NT5E: variants seen among roughly 807,000 people sequenced by gnomAD.
The protein encoded by NT5E is 5'-nucleotidase.
NT5E carries 53 observed loss-of-function variants against 55.1 expected under a neutral mutation model. That is an observed-to-expected ratio of 0.96 (90% CI 0.77 to 1.21). NT5E has a LOEUF of 1.21. NT5E is among the 50% of genes most tolerant of loss of function. NT5E has a pLI of 0.00. For missense variants in NT5E, 683 were observed against 724.3 expected (o/e 0.94, Z 0.65); for synonymous variants, 270 against 278.4 (o/e 0.97, Z 0.30).
intron 3 of NT5E, among the ~76,000 whole-genome samples, chr6:85,475,148 T>C (rs1158717726): frequency 2.0e-5 from 3 of 152,228 alleles, no homozygotes; most frequent in Admixed American, 6.5e-5. Context: ...GAATTTTAAA[T>C]CTTACTGAGA....
At chr6:85,488,244 C>T (rs546850864) in intron 5 of NT5E, among the ~76,000 whole-genome samples, 3 of 152,196 alleles carry the variant, frequency 2.0e-5, no homozygotes, top group African/African-American at 4.8e-5. Flanking sequence ...TCTCCTATGT[C>T]GGACTACTAC....
chr6:85,482,175 T>A (rs145445215), intron 3 of NT5E, among the ~76,000 whole-genome samples: 3 of 152,314 alleles, frequency 2.0e-5, no homozygotes, highest in African/African-American at 7.2e-5. Flanking sequence ...TGGACTGCCT[T>A]ACAACATTCT....
chr6:85,467,229 T>C lies in NT5E; in HGVS notation c.509T>C (p.Val170Ala), dbSNP rs1481526140. 1.2e-6 allele frequency: 2 copies of C among 1,614,180 alleles called. No individual in the cohort carries two copies. The highest frequency in any genetic ancestry group is 8.5e-7 in the Non-Finnish European group (1 of 1,180,032). ...AAAGTTCTTCCTGTTGGTGATGAAGTTGTGGGAATCGTTGGATACACTTCC... is the reference window on the plus strand; with the variant it reads ...AAAGTTCTTCCTGTTGGTGATGAAGCTGTGGGAATCGTTGGATACACTTCC... ...PYKVLPVGDE[V>A]VGIVGYTSKE... Residue 170 changes from valine (V) to alanine (A), a missense_variant, in exon 2 of 9, where the codon GTT (valine) becomes GCT (alanine). Val to Ala is a moderately conservative substitution (Grantham distance 64, BLOSUM62 0). Transcript: ENST00000257770.
chr6:85,476,572 CA>C (rs1482561433), intron 3 of NT5E, among the ~76,000 whole-genome samples: 1 of 152,194 alleles, frequency 6.6e-6, no homozygotes, highest in African/African-American at 2.4e-5. Context: ...TTTAACAGCT[CA>C]GTGTGACAGC....
intron 3 of NT5E, among the ~76,000 whole-genome samples, chr6:85,478,575 G>A (rs1769480777): frequency 6.6e-6 from 1 of 152,068 alleles, no homozygotes; most frequent in South Asian, 2.1e-4. Context: ...GTCTGACTTT[G>A]GACAAGTTAC....
chr6:85,469,411 C>CA (rs966880702), intron 2 of NT5E, among the ~76,000 whole-genome samples: 83 of 138,768 alleles, frequency 6.0e-4, no homozygotes, highest in African/African-American at 9.0e-4. Flanking sequence ...GGATACTGAC[C>CA]AAAAAAAAAA....
At chr6:85,462,869 A>G (rs1051628643) in intron 1 of NT5E, among the ~76,000 whole-genome samples, 12 of 152,376 alleles carry the variant, frequency 7.9e-5, no homozygotes, top group African/African-American at 2.6e-4. Context: ...CAGCTTCACA[A>G]TTCACAGCCT....
At chr6:85,482,281 G>A (rs747944005) in intron 3 of NT5E, among the ~76,000 whole-genome samples, 9 of 152,030 alleles carry the variant, frequency 5.9e-5, no homozygotes, top group South Asian at 2.1e-4. Context: ...GACTGCTTGA[G>A]CCCAGGAATT....
intron 1 of NT5E, among the ~76,000 whole-genome samples, chr6:85,457,875 A>G (rs1234329741): frequency 6.6e-6 from 1 of 152,208 alleles, no homozygotes; most frequent in Non-Finnish European, 1.5e-5. Flanking sequence ...TTAACTACAC[A>G]GAGGGACTGG....
At chr6:85,464,094 A>C (rs529681925) in intron 1 of NT5E, among the ~76,000 whole-genome samples, 25 of 30,170 alleles carry the variant, frequency 8.3e-4, no homozygotes, top group Non-Finnish European at 3.1e-4. Flanking sequence ...TTTTTTTTTT[A>C]GTGCTTTGTG....
intron 1 of NT5E, among the ~76,000 whole-genome samples, chr6:85,452,409 G>A (rs1428585570): frequency 2.0e-5 from 3 of 152,178 alleles, no homozygotes; most frequent in Non-Finnish European, 4.4e-5. Flanking sequence ...TTTATGACAG[G>A]ACATCTAGGT....
At position 85,477,981 on chromosome 6, in the gene NT5E, T is replaced by G. The variant is rs190083172; in HGVS notation, c.751+6556T>G. On this transcript the variant is annotated intron_variant, in intron 3 of 8. Transcript: ENST00000257770. The stretch of plus-strand genomic sequence containing the variant: ...GTTTGAGGCTGCAGTGAGCTATGAT[T>G]ACGCCACTGCACTCCAGCCAGTGTG... Among the ~76,000 whole-genome samples the G allele has an allele frequency of 1.5e-3, 229 of 149,104 alleles. 3 individuals carry two copies. Among genetic ancestry groups the G allele is most frequent in the Middle Eastern group, 6.8e-3 (2 of 292 alleles).
chr6:85,485,283 T>A lies in NT5E; in HGVS notation c.800T>A (p.Val267Asp). The change falls in exon 4 of 9, where the codon GTC (valine) becomes GAC (aspartate). Residue 267 changes from valine (V) to aspartate (D), a missense_variant. Transcript: ENST00000257770. ...CCTGCTGGGAAGTACCCATTCATAG[T>A]CACTTCTGATGATGGGCGGAAGGTT... The part of the protein sequence containing the change: ...EVPAGKYPFI[V>D]TSDDGRKVPV... The A allele has an allele frequency of 2.5e-6, 4 of 1,614,214 alleles. No individual in the cohort carries two copies. Among genetic ancestry groups the A allele is most frequent in the Non-Finnish European group, 3.4e-6 (4 of 1,180,034 alleles).
chr6:85,479,137 A>C (rs1179463305), intron 3 of NT5E, among the ~76,000 whole-genome samples: 1 of 152,236 alleles, frequency 6.6e-6, no homozygotes. Context: ...AAAATTAACT[A>C]CTAATCCTAA....
At chr6:85,491,014 G>A (rs779977066) in intron 7 of NT5E, 3 of 523,986 alleles carry the variant, frequency 5.7e-6, no homozygotes, top group South Asian at 2.9e-5. Flanking sequence ...TCTACTCATC[G>A]TTGCCTGGAA....
chr6:85,473,283 A>AT (rs1769355528), intron 3 of NT5E, among the ~76,000 whole-genome samples: 1 of 152,192 alleles, frequency 6.6e-6, no homozygotes, highest in Non-Finnish European at 1.5e-5. Flanking sequence ...AATGAAGGTG[A>AT]TAACAACAGT....
chr6:85,465,481 G>A lies in NT5E; in HGVS notation c.340-1579G>A, dbSNP rs184674178. On this transcript the variant is annotated intron_variant, in intron 1 of 8. Coordinates refer to ENST00000257770, the MANE Select transcript of NT5E (RefSeq NM_002526.4). ...GAAGGAAAAAATAACAATTACCCAA[G>A]CCTGCAACAACCTGTAAGACCAGAT... Among the ~76,000 whole-genome samples, 71 of 152,238 alleles carry A rather than the reference G, an allele frequency of 4.7e-4. No homozygotes were observed. In the East Asian group the frequency reaches 0.011, roughly 23 times the overall value.
chr6:85,491,052 C>T (rs752097027), intron 7 of NT5E: 6 of 532,054 alleles, frequency 1.1e-5, no homozygotes, highest in East Asian at 1.1e-4. Flanking sequence ...GGAATGCTGT[C>T]CAATCTGTAT....
chr6:85,455,995 G>A lies in NT5E; in HGVS notation c.339+5517G>A, dbSNP rs554113092. ...GATAGCTTCGGGAAGGGGGCTGGTC[G>A]CCAGAAAGACTAATTTATGACTAGA... On this transcript the variant is annotated intron_variant, in intron 1 of 8. Transcript: ENST00000257770. Among the ~76,000 whole-genome samples, 7 of 150,388 alleles carry A rather than the reference G, an allele frequency of 4.7e-5. No individual in the cohort carries two copies. The South Asian group carries it at 6.2e-4, about 13-fold the overall frequency.
Sources: gnomAD v4.1 joint callset for allele counts (sites outside exome capture counted in the v4.1 genomes callset) on GRCh38, gnomAD v4.1.1 for gene constraint, MANE v1.5 for transcripts, NCBI Gene and HGNC (gene_info 2026-07-23, HGNC 2026-07-21) for gene names.